Variants in THADA observed in about 807,000 individuals in gnomAD.
THADA encodes the protein tRNA (32-2'-O)-methyltransferase regulator THADA.
In THADA, 213 loss-of-function variants were observed where a neutral mutation model predicts 219.8. The ratio of observed to expected loss-of-function variants is 0.97; its 90% CI spans 0.87 to 1.09. The LOEUF (loss-of-function observed/expected upper bound fraction) is 1.09. THADA is among the 50% of genes least tolerant of loss of function. The pLI is 0.00. For missense variants in THADA, 2,956 were observed against 2,311.3 expected (o/e 1.28, Z -5.72); for synonymous variants, 1,018 against 828.9 (o/e 1.23, Z -3.92).
chr2:43,232,002 G>A (rs2103999719), intron 37 of THADA, among the ~76,000 whole-genome samples: 1 of 152,100 alleles, frequency 6.6e-6, no homozygotes, highest in East Asian at 1.9e-4. Context: ...CCACCCTGGA[G>A]GGGGCTAATA....
intron 26 of THADA, among the ~76,000 whole-genome samples, chr2:43,447,312 A>C (rs973640123): frequency 6.6e-6 from 1 of 152,006 alleles, no homozygotes; most frequent in Non-Finnish European, 1.5e-5. Flanking sequence ...ATCAAACCAT[A>C]TCTATATTAC....
intron 25 of THADA, among the ~76,000 whole-genome samples, chr2:43,496,801 T>C (rs1027994223): frequency 6.6e-6 from 1 of 152,158 alleles, no homozygotes; most frequent in Non-Finnish European, 1.5e-5. Context: ...AATTACCATA[T>C]GATATACCCA....
intron 26 of THADA, among the ~76,000 whole-genome samples, chr2:43,474,664 A>C (rs899954841): frequency 4.6e-5 from 7 of 152,348 alleles, no homozygotes; most frequent in Non-Finnish European, 1.0e-4. Context: ...GCAAAAGAAG[A>C]AATCAAGTGA....
At chr2:43,251,370 G>GA (rs1669791446) in intron 36 of THADA, among the ~76,000 whole-genome samples, 1 of 152,178 alleles carries the variant, frequency 6.6e-6, no homozygotes, top group Non-Finnish European at 1.5e-5. Flanking sequence ...ACATCATGTG[G>GA]AAAAAATGTC....
At chr2:43,592,248 C>T in intron 2 of THADA, 69 bp downstream of exon 2, 1 of 1,144,822 alleles carries the variant, frequency 8.7e-7, no homozygotes, top group South Asian at 1.5e-5. Flanking sequence ...TGCTAGGGGT[C>T]CCAGTCATTA....
intron 28 of THADA, among the ~76,000 whole-genome samples, chr2:43,426,186 T>C (rs924574885): frequency 2.0e-5 from 3 of 152,232 alleles, no homozygotes; most frequent in Admixed American, 1.3e-4. Flanking sequence ...ACTTTGAATA[T>C]AATGAGTAGT....
intron 22 of THADA, among the ~76,000 whole-genome samples, chr2:43,515,717 C>A (rs1691641021): frequency 6.6e-6 from 1 of 151,838 alleles, no homozygotes; most frequent in African/African-American, 2.4e-5. Context: ...AACAACTGTC[C>A]ACCAGAATTG....
At chr2:43,396,407 TC>T (rs1674045883) in intron 29 of THADA, among the ~76,000 whole-genome samples, 2 of 152,166 alleles carry the variant, frequency 1.3e-5, no homozygotes, top group East Asian at 1.9e-4. Context: ...TATTTTCTGG[TC>T]CTTTTTTGTC....
At chr2:43,505,332 G>C (rs188838824) in intron 24 of THADA, among the ~76,000 whole-genome samples, 288 of 151,380 alleles carry the variant, frequency 1.9e-3, no homozygotes, top group African/African-American at 6.7e-3. Flanking sequence ...AAAAAAAAAA[G>C]AAGGAGAGAA....
At chr2:43,578,469 C>G (rs6759861) in intron 9 of THADA, 44 bp downstream of exon 9, 186,221 of 1,495,052 alleles carry the variant, frequency 0.12, 12,639 homozygotes, top group African/African-American at 0.2. Flanking sequence ...TAAACATACC[C>G]TAACTCTCAA....
chr2:43,510,450 A>G (rs1245608864), intron 22 of THADA, among the ~76,000 whole-genome samples: 1 of 152,110 alleles, frequency 6.6e-6, no homozygotes, highest in Non-Finnish European at 1.5e-5. Flanking sequence ...TTAAGGATTG[A>G]GGTTACTTCC....
At chr2:43,434,291 A>C (rs1679786576) in intron 26 of THADA, among the ~76,000 whole-genome samples, 1 of 152,212 alleles carries the variant, frequency 6.6e-6, no homozygotes, top group Non-Finnish European at 1.5e-5. Flanking sequence ...ATTGGATCCC[A>C]AGCTCCCACT....
chr2:43,361,617 T>C (rs1669535795), intron 29 of THADA, among the ~76,000 whole-genome samples: 1 of 152,376 alleles, frequency 6.6e-6, no homozygotes, highest in Non-Finnish European at 1.5e-5. Flanking sequence ...ACTTCTGCCT[T>C]TGGCAGTATC....
At chr2:43,231,978 A>G (rs1283337063) in intron 37 of THADA, among the ~76,000 whole-genome samples, 5 of 147,608 alleles carry the variant, frequency 3.4e-5, no homozygotes, top group African/African-American at 5.2e-5. Flanking sequence ...CAGTTTCCCT[A>G]TCTGTGACTG....
At chr2:43,590,979 T>C in intron 3 of THADA, 25 bp from the exon 4 acceptor site, 3 of 1,597,784 alleles carry the variant, frequency 1.9e-6, no homozygotes, top group Non-Finnish European at 1.7e-6. Context: ...ATTGAAGTAA[T>C]TTTTATAATA....
intron 29 of THADA, among the ~76,000 whole-genome samples, chr2:43,396,670 G>A (rs1674078726): frequency 6.6e-6 from 1 of 151,914 alleles, no homozygotes; most frequent in African/African-American, 2.4e-5. Context: ...TGTGGGGACA[G>A]GGGGGTGCAG....
At chr2:43,289,173 T>C (rs1321024156) in intron 34 of THADA, among the ~76,000 whole-genome samples, 1 of 152,256 alleles carries the variant, frequency 6.6e-6, no homozygotes, top group Non-Finnish European at 1.5e-5. Flanking sequence ...CCAAATAATA[T>C]TCCATTGTAT....
intron 26 of THADA, among the ~76,000 whole-genome samples, chr2:43,442,684 A>G (rs972362561): frequency 3.3e-5 from 5 of 152,050 alleles, no homozygotes; most frequent in Admixed American, 2.0e-4. Flanking sequence ...AACAGGAGAG[A>G]TATGTTACAA....
intron 31 of THADA, among the ~76,000 whole-genome samples, chr2:43,305,410 G>T (rs1676739918): frequency 6.6e-6 from 1 of 152,078 alleles, no homozygotes. Flanking sequence ...AACTAGTACT[G>T]GTTGTTTATT....
Sources: allele counts gnomAD v4.1 joint callset (sites outside exome capture counted in the v4.1 genomes callset), GRCh38; gene constraint gnomAD v4.1.1; transcripts MANE v1.5; gene names NCBI Gene and HGNC (gene_info 2026-07-23, HGNC 2026-07-21).